The following TRABD2A variants were observed in gnomAD, a reference collection of about 807,000 sequenced individuals.
The protein encoded by TRABD2A is metalloprotease TIKI1.
Under a neutral mutation model 45.6 loss-of-function variants are expected in TRABD2A, and 43 were observed. The observed-to-expected ratio is 0.94, with a 90% CI of 0.74 to 1.22. The LOEUF is 1.22. Ranked by LOEUF, TRABD2A falls within the 50% of genes most tolerant of loss-of-function variation. The pLI is 0.00. For synonymous variants in TRABD2A, 269 were observed against 265.0 expected (o/e 1.02, Z -0.15); for missense variants, 642 against 652.4 (o/e 0.98, Z 0.17).
chr2:84,865,000 G>A (rs1279112052), intron 2 of TRABD2A, among the ~76,000 whole-genome samples: 1 of 152,144 alleles, frequency 6.6e-6, no homozygotes, highest in African/African-American at 2.4e-5. Flanking sequence ...TCAGACCACA[G>A]GGCTCCTGGG....
intron 1 of TRABD2A, among the ~76,000 whole-genome samples, chr2:84,875,879 G>A (rs949045014): frequency 5.9e-5 from 9 of 152,016 alleles, no homozygotes; most frequent in Non-Finnish European, 1.3e-4. Context: ...TCCAGTCCCA[G>A]CTACTTAGGA....
intron 2 of TRABD2A, among the ~76,000 whole-genome samples, chr2:84,864,441 G>A (rs183631200): frequency 5.9e-5 from 9 of 152,142 alleles, no homozygotes; most frequent in Admixed American, 5.9e-4. Context: ...GCTGGCTCTG[G>A]GTCTCTTCTT....
intron 5 of TRABD2A, among the ~76,000 whole-genome samples, chr2:84,828,560 G>T (rs539343500): frequency 1.3e-5 from 2 of 152,272 alleles, no homozygotes; most frequent in Admixed American, 1.3e-4. Context: ...TTCCTGAACA[G>T]GAGCTCCTTT....
At chr2:84,879,594 C>T (rs967012014) in intron 1 of TRABD2A, 2 of 985,256 alleles carry the variant, frequency 2.0e-6, no homozygotes, top group Non-Finnish European at 2.4e-6. Context: ...CAGACTCACT[C>T]GTCATAATTA....
chr2:84,840,094 A>G (rs1033728570), intron 3 of TRABD2A, among the ~76,000 whole-genome samples: 2 of 152,094 alleles, frequency 1.3e-5, no homozygotes, highest in Non-Finnish European at 2.9e-5. Flanking sequence ...GTTACCCATT[A>G]TCTTGGTCAG....
At chr2:84,856,237 C>A (rs1175348563) in intron 2 of TRABD2A, among the ~76,000 whole-genome samples, 1 of 152,082 alleles carries the variant, frequency 6.6e-6, no homozygotes, top group African/African-American at 2.4e-5. Context: ...TGCCTCCCCA[C>A]CTCACCTAGG....
In TRABD2A at chr2:84,829,399, CCACACACACCACACAT is replaced by C. The variant is rs1416825471; in HGVS notation, c.1082+2640_1082+2655del. On this transcript the variant is annotated intron_variant, in intron 5 of 6. Coordinates refer to ENST00000409520, the MANE Select transcript of TRABD2A (RefSeq NM_001277053.2). ...ACACACACACACACACACACACACA[CCACACACACCACACAT>C]ACCACACACACTACACACACACAAA... Among the ~76,000 whole-genome samples, 1,250 of 141,204 alleles carry C rather than the reference CCACACACACCACACAT, an allele frequency of 8.9e-3. 12 individuals carry two copies. The highest frequency in any genetic ancestry group is 0.015 in the Middle Eastern group (4 of 262). The allele number at this position is 141,204 out of a possible 152,430, so 92.6% of individuals were successfully genotyped here.
intron 2 of TRABD2A, among the ~76,000 whole-genome samples, chr2:84,848,339 TA>T (rs1177127222): frequency 1.8e-5 from 2 of 112,704 alleles, no homozygotes; most frequent in African/African-American, 8.9e-5. Flanking sequence ...GATAGATAGA[TA>T]GATAGATAGA....
At chr2:84,843,224 C>T (rs1418329746) in intron 2 of TRABD2A, among the ~76,000 whole-genome samples, 2 of 152,100 alleles carry the variant, frequency 1.3e-5, no homozygotes, top group East Asian at 1.9e-4. Context: ...AGGATGCTGC[C>T]TTTGCTGGAA....
At chr2:84,848,387 C>A (rs938963261) in intron 2 of TRABD2A, among the ~76,000 whole-genome samples, 2 of 137,346 alleles carry the variant, frequency 1.5e-5, no homozygotes, top group African/African-American at 5.7e-5. Context: ...GACAGACAGA[C>A]AGACAGACAG....
intron 5 of TRABD2A, among the ~76,000 whole-genome samples, chr2:84,826,395 C>G (rs1305937225): frequency 6.6e-6 from 1 of 152,214 alleles, no homozygotes; most frequent in Non-Finnish European, 1.5e-5. Context: ...CTTTACTCTT[C>G]CTGGTTTTTA....
At chr2:84,880,475 G>T (rs955743295) in intron 1 of TRABD2A, among the ~76,000 whole-genome samples, 1 of 152,204 alleles carries the variant, frequency 6.6e-6, no homozygotes, top group Non-Finnish European at 1.5e-5. Context: ...TCTAACTCAG[G>T]CACTGAACAT....
Position 84,832,083 on chromosome 2 carries a change from G to A in TRABD2A, c.1054C>T (p.His352Tyr), listed in dbSNP as rs745818520. 17 of 1,613,890 alleles carry A rather than the reference G, an allele frequency of 1.1e-5. No homozygotes were observed. In the East Asian group the frequency reaches 2.0e-4, roughly 19 times the overall value. Residue 352 changes from histidine (H) to tyrosine (Y), a missense_variant, in exon 5 of 7, where the codon CAC (histidine) becomes TAC (tyrosine). Coordinates refer to ENST00000409520, the MANE Select transcript of TRABD2A (RefSeq NM_001277053.2). ...TGGATGGGTCGTCCAGCAGGGGCGT[G>A]TTCTACCTCATAGCCTTCACGCCGC... Reference protein sequence around the residue: ...VLRREGYEVEHAPAGRPIHKG... With the variant: ...VLRREGYEVEYAPAGRPIHKG...
chr2:84,854,278 G>A (rs1682198181), intron 2 of TRABD2A, among the ~76,000 whole-genome samples: 1 of 151,890 alleles, frequency 6.6e-6, no homozygotes, highest in African/African-American at 2.4e-5. Flanking sequence ...TATCCAAGTG[G>A]GTCTTGGAAC....
intron 2 of TRABD2A, among the ~76,000 whole-genome samples, chr2:84,855,143 G>A (rs977209851): frequency 2.6e-5 from 4 of 152,032 alleles, no homozygotes; most frequent in African/African-American, 7.2e-5. Context: ...CCACAGAATG[G>A]ACTTTAAAAT....
At position 84,870,684 on chromosome 2, in the gene TRABD2A, G is replaced by C; in HGVS notation, c.210C>G (p.Ile70Met). Reference protein sequence around the residue: ...HVPYTRVWDFIPDNSKEAFLQ... With the variant: ...HVPYTRVWDFMPDNSKEAFLQ... Reference sequence around the variant, plus strand: ...GGAAAGCCTCCTTAGAGTTGTCGGGGATGAAGTCCCAAACTCGGGTGTACG... The same window carrying C: ...GGAAAGCCTCCTTAGAGTTGTCGGGCATGAAGTCCCAAACTCGGGTGTACG... The change falls in exon 2 of 7, where the codon ATC becomes ATG. Residue 70 changes from isoleucine (I) to methionine (M), a missense_variant. Physicochemically the swap from Ile to Met is conservative, Grantham distance 10 (BLOSUM62 1). Transcript: ENST00000409520. The C allele has an allele frequency of 1.2e-6, 2 of 1,607,316 alleles. No homozygotes were observed. Among genetic ancestry groups the C allele is most frequent in the South Asian group, 2.2e-5 (2 of 89,660 alleles).
chr2:84,858,362 G>A (rs1273461897), intron 2 of TRABD2A, among the ~76,000 whole-genome samples: 1 of 152,070 alleles, frequency 6.6e-6, no homozygotes, highest in Non-Finnish European at 1.5e-5. Flanking sequence ...TCCCAGATTT[G>A]CCTGCGCTTT....
chr2:84,859,942 GGA>G (rs1301084304), intron 2 of TRABD2A, among the ~76,000 whole-genome samples: 1 of 148,040 alleles, frequency 6.8e-6, no homozygotes, highest in African/African-American at 2.6e-5. Context: ...TTTATTTTTT[GGA>G]GAGATGGGGG....
chr2:84,838,179 T>C, intron 4 of TRABD2A: 1 of 716,634 alleles, frequency 1.4e-6, no homozygotes, highest in African/African-American at 1.7e-5. Flanking sequence ...CAGTAACCAT[T>C]AGGCAAACAG....
Sources: gnomAD v4.1 joint callset for allele counts (sites outside exome capture counted in the v4.1 genomes callset) on GRCh38, gnomAD v4.1.1 for gene constraint, MANE v1.5 for transcripts, NCBI Gene and HGNC (gene_info 2026-07-23, HGNC 2026-07-21) for gene names.